Variants in LRFN5 observed in about 807,000 individuals in gnomAD.
The protein encoded by LRFN5 is leucine rich repeat and fibronectin type III domain containing 5.
A neutral mutation model predicts 45.6 loss-of-function variants in LRFN5; 24 were observed. That is an observed-to-expected ratio of 0.53 (90% CI 0.38 to 0.74). The LOEUF (loss-of-function observed/expected upper bound fraction) is 0.74, where lower values mean the gene tolerates loss of function less well. LRFN5 is among the 30% of genes least tolerant of loss of function. The probability of loss-of-function intolerance (pLI) is 0.00; values close to 1 mark genes in which losing one functional copy is unlikely to be tolerated. For missense variants in LRFN5, 776 were observed against 861.5 expected, an observed-to-expected ratio of 0.90 and a Z score of 1.24; for synonymous variants, 340 against 313.8, an observed-to-expected ratio of 1.08 and a Z score of -0.88.
chr14:41,739,842 G>T (rs919172854), intron 1 of LRFN5, among the ~76,000 whole-genome samples: 2 of 151,548 alleles, frequency 1.3e-5, no homozygotes, highest in Non-Finnish European at 2.9e-5. Context: ...AGAGAAAGAA[G>T]ACTCAAATAA....
intron 1 of LRFN5, among the ~76,000 whole-genome samples, chr14:41,672,480 TAGG>T (rs1881282460): frequency 6.6e-6 from 1 of 152,218 alleles, no homozygotes; most frequent in Admixed American, 6.5e-5. Flanking sequence ...AAATACTTCT[TAGG>T]AGTAGTGATG....
intron 2 of LRFN5, among the ~76,000 whole-genome samples, chr14:41,823,865 A>G (rs1888208996): frequency 6.6e-6 from 1 of 152,118 alleles, no homozygotes; most frequent in South Asian, 2.1e-4. Flanking sequence ...GTTCATTTTT[A>G]AAAATTATCT....
At chr14:41,688,910 C>CAAAA (rs59803978) in intron 1 of LRFN5, among the ~76,000 whole-genome samples, 1,839 of 125,176 alleles carry the variant, frequency 0.015, 31 homozygotes, top group African/African-American at 0.05. Context: ...CTATTTCTAC[C>CAAAA]AAAAAAAAAA....
At chr14:41,845,049 T>A (rs1277239302) in intron 2 of LRFN5, among the ~76,000 whole-genome samples, 1 of 152,098 alleles carries the variant, frequency 6.6e-6, no homozygotes, top group Non-Finnish European at 1.5e-5. Context: ...ACCTCTAGAT[T>A]ATCCTAAGAA....
chr14:41,670,660 TGA>T (rs1427637608), intron 1 of LRFN5, among the ~76,000 whole-genome samples: 2 of 151,974 alleles, frequency 1.3e-5, no homozygotes, highest in Non-Finnish European at 2.9e-5. Flanking sequence ...TGTATCCAGT[TGA>T]GTTATAAAAT....
At chr14:41,693,409 A>G (rs1882467778) in intron 1 of LRFN5, among the ~76,000 whole-genome samples, 1 of 152,026 alleles carries the variant, frequency 6.6e-6, no homozygotes. Flanking sequence ...ATTGACACGT[A>G]TTTTACTCAA....
At chr14:41,787,710 A>G (rs1259155677) in intron 2 of LRFN5, among the ~76,000 whole-genome samples, 1 of 151,810 alleles carries the variant, frequency 6.6e-6, no homozygotes, top group African/African-American at 2.4e-5. Context: ...ACGGGAATAT[A>G]ACTTTTTTTT....
chr14:41,657,679 T>A (rs1880443818), intron 1 of LRFN5, among the ~76,000 whole-genome samples: 1 of 152,020 alleles, frequency 6.6e-6, no homozygotes, highest in Non-Finnish European at 1.5e-5. Context: ...ACCTTTGTGA[T>A]GATATAATAA....
In LRFN5 at chr14:41,679,671, C is replaced by A. The variant is rs185895946; in HGVS notation, c.-197+71109C>A. 6.6e-5 allele frequency among the ~76,000 whole-genome samples: 10 copies of A among 152,110 alleles called. No homozygotes were observed. The East Asian group carries it at 2.0e-3, about 30-fold the overall frequency. On this transcript the variant is annotated intron_variant, in intron 1 of 5. Transcript: ENST00000298119. ...AGGATGTGCTAGCTTCAGGTGTGAC[C>A]CAGCACATTCCCAGCGGTGGTAGCT... is the stretch of plus-strand genomic sequence containing the variant.
At chr14:41,625,108 G>A (rs1888280755) in intron 1 of LRFN5, among the ~76,000 whole-genome samples, 1 of 152,044 alleles carries the variant, frequency 6.6e-6, no homozygotes, top group South Asian at 2.1e-4. Context: ...AATATTTAAA[G>A]ATAAATAATG....
At chr14:41,811,123 A>G (rs1332336699) in intron 2 of LRFN5, among the ~76,000 whole-genome samples, 1 of 152,082 alleles carries the variant, frequency 6.6e-6, no homozygotes. Context: ...CTGAACAGAC[A>G]TTTCTCCAAA....
intron 2 of LRFN5, among the ~76,000 whole-genome samples, chr14:41,876,215 A>G (rs1356506282): frequency 3.3e-5 from 5 of 150,682 alleles, no homozygotes; most frequent in Non-Finnish European, 7.4e-5. Context: ...CATGTTTCCT[A>G]TATTTTATGT....
rs138101690 is a variant in LRFN5, at chr14:41,609,707, C to T, written c.-197+1145C>T. Among the ~76,000 whole-genome samples, 198 of 152,272 alleles carry T rather than the reference C, an allele frequency of 1.3e-3. 1 individual carries two copies. Among genetic ancestry groups the T allele is most frequent in the Non-Finnish European group, 2.3e-3 (155 of 68,030 alleles). ...TTAACTAAGGAGTGTTCGTTTGTCT[C>T]CCGCCTTTGGGAGCTGCTTGCTGGC... is the stretch of plus-strand genomic sequence containing the variant. On this transcript the variant is annotated intron_variant, in intron 1 of 5. Transcript: ENST00000298119.
At chr14:41,682,032 G>C (rs1471612249) in intron 1 of LRFN5, among the ~76,000 whole-genome samples, 1 of 150,434 alleles carries the variant, frequency 6.6e-6, no homozygotes, top group East Asian at 1.9e-4. Flanking sequence ...TGTCCGGGCT[G>C]GTCTAGAACT....
intron 2 of LRFN5, among the ~76,000 whole-genome samples, chr14:41,792,644 G>A (rs1886967708): frequency 6.6e-6 from 1 of 151,908 alleles, no homozygotes; most frequent in African/African-American, 2.4e-5. Context: ...GAAAAATATG[G>A]CTCTTTTTGC....
chr14:41,658,365 A>G (rs534629276), intron 1 of LRFN5, among the ~76,000 whole-genome samples: 5 of 152,132 alleles, frequency 3.3e-5, no homozygotes, highest in Admixed American at 6.6e-5. Flanking sequence ...CACTTATACC[A>G]TCTTCCTTTA....
At chr14:41,877,268 C>A (rs1161564221) in intron 2 of LRFN5, among the ~76,000 whole-genome samples, 1 of 152,148 alleles carries the variant, frequency 6.6e-6, no homozygotes, top group Non-Finnish European at 1.5e-5. Context: ...CTGCAGGCGC[C>A]TGAGTACCTG....
rs1886435491 is a variant in LRFN5 at position 41,780,277 on chromosome 14, A to T, written c.-21+13248A>T. Among the ~76,000 whole-genome samples, 4 of 152,044 alleles carry T rather than the reference A, an allele frequency of 2.6e-5. No homozygotes were observed. The South Asian group carries it at 8.3e-4, about 32-fold the overall frequency. ...TTTAATTACATTTATTTCCATAGTC[A>T]TCTTAGAACATAATATTTTTTTCTA... On this transcript the variant is annotated intron_variant, in intron 2 of 5. Transcript: ENST00000298119.
At chr14:41,734,316 T>TATATATATATATATATATATA (rs1884314909) in intron 1 of LRFN5, among the ~76,000 whole-genome samples, 8 of 38,768 alleles carry the variant, frequency 2.1e-4, no homozygotes, top group African/African-American at 3.7e-4. Context: ...TGGACTGGTT[T>TATATATATATATATATATATA]TATATATATA....
Sources: allele counts gnomAD v4.1 joint callset (sites outside exome capture counted in the v4.1 genomes callset), GRCh38; gene constraint gnomAD v4.1.1; transcripts MANE v1.5; gene names NCBI Gene and HGNC (gene_info 2026-07-23, HGNC 2026-07-21).